The following FAT3 variants were observed in gnomAD, a reference collection of about 807,000 sequenced individuals.
The protein encoded by FAT3 is FAT atypical cadherin 3, also known as protocadherin Fat 3.
A neutral mutation model predicts 310.2 loss-of-function variants in FAT3; 95 were observed. That is an observed-to-expected ratio of 0.31 (90% confidence interval 0.26 to 0.36). The LOEUF (loss-of-function observed/expected upper bound fraction) is 0.36. Among genes scored for constraint, FAT3 ranks in the 10% least tolerant of loss-of-function variants. The pLI, the probability that FAT3 is intolerant of heterozygous loss-of-function variation, is 1.00. For synonymous variants in FAT3, 2,314 were observed against 2,192.9 expected (o/e 1.06, Z -1.54); for missense variants, 5,408 against 5,715.6 (o/e 0.95, Z 1.74).
At chr11:92,271,520 T>C (rs1006088285) in intron 1 of FAT3, among the ~76,000 whole-genome samples, 1 of 152,156 alleles carries the variant, frequency 6.6e-6, no homozygotes, top group Non-Finnish European at 1.5e-5. Context: ...AATGGACTGT[T>C]TATATGTTGT....
chr11:92,529,940 C>T (rs1314999967), intron 3 of FAT3, among the ~76,000 whole-genome samples: 1 of 152,136 alleles, frequency 6.6e-6, no homozygotes, highest in African/African-American at 2.4e-5. Context: ...AGACTGGCTA[C>T]CCCCACTTTA....
intron 3 of FAT3, among the ~76,000 whole-genome samples, chr11:92,682,285 C>A (rs796658352): frequency 1.4e-4 from 22 of 152,268 alleles, no homozygotes; most frequent in African/African-American, 5.1e-4. Flanking sequence ...ATACTGCCTG[C>A]CACATAGGGA....
At chr11:92,705,546 ATGGTGGTGGTGTGATGG>A (rs1565527024) in intron 4 of FAT3, among the ~76,000 whole-genome samples, 1 of 39,146 alleles carries the variant, frequency 2.6e-5, no homozygotes, top group African/African-American at 1.0e-4. Context: ...TGATGGTGTG[ATGGTGGTGGTGTGATGG>A]TGGTGGTGGT....
chr11:92,412,979 C>T (rs925934459), intron 2 of FAT3, among the ~76,000 whole-genome samples: 4 of 151,630 alleles, frequency 2.6e-5, no homozygotes, highest in Non-Finnish European at 5.9e-5. Context: ...CATTAGGGCT[C>T]ACCCTTGGTA....
rs747070509 is a variant in FAT3 at position 92,798,478 on chromosome 11, A to T, written c.5465A>T (p.Lys1822Met). 1.3e-5 allele frequency: 21 copies of T among 1,613,608 alleles called. No homozygotes were observed. The highest frequency in any genetic ancestry group is 1.6e-4 in the Middle Eastern group (1 of 6,084). ...CAGATTGTGGAGTCAACAGCAAAAA[A>T]GTTTTTCACGGTGGACTCCAGTACA... ...VYQIVESTAK[K>M]FFTVDSSTGA... The change falls in exon 10 of 28, where the codon AAG (lysine) becomes ATG (methionine). Residue 1822 changes from lysine (K) to methionine (M), a missense_variant. This residue lies in a region of FAT3 where 4,588 missense variants were observed against 4,809.8 expected (regional missense o/e 0.95). Coordinates refer to ENST00000525166, the MANE Select transcript of FAT3 (RefSeq NM_001367949.2).
intron 3 of FAT3, among the ~76,000 whole-genome samples, chr11:92,553,210 A>C (rs1453043630): frequency 6.6e-6 from 1 of 152,196 alleles, no homozygotes; most frequent in African/African-American, 2.4e-5. Flanking sequence ...TTGCAACTAT[A>C]AACATCAATT....
chr11:92,485,493 A>G (rs1952352551), intron 2 of FAT3, among the ~76,000 whole-genome samples: 1 of 149,418 alleles, frequency 6.7e-6, no homozygotes, highest in South Asian at 2.2e-4. Flanking sequence ...TGGACTGCAT[A>G]TTGATAGAAT....
intron 3 of FAT3, among the ~76,000 whole-genome samples, chr11:92,650,082 G>T (rs970698868): frequency 2.7e-5 from 4 of 150,232 alleles, no homozygotes; most frequent in African/African-American, 9.9e-5. Context: ...GAGAACTGAT[G>T]AATAGGTCTA....
intron 13 of FAT3, among the ~76,000 whole-genome samples, chr11:92,821,669 C>T (rs968699767): frequency 2.0e-5 from 3 of 152,186 alleles, no homozygotes; most frequent in East Asian, 1.9e-4. Flanking sequence ...TCCAAAAACA[C>T]GCATGTGATG....
At chr11:92,229,514 G>GTTTTTTTTTTTTTTTTTTTTTTTTTT (rs1241053262) in intron 1 of FAT3, among the ~76,000 whole-genome samples, 1 of 59,308 alleles carries the variant, frequency 1.7e-5, no homozygotes, top group Non-Finnish European at 3.0e-5. Flanking sequence ...TTTGTTTTTT[G>GTTTTTTTTTTTTTTTTTTTTTTTTTT]TTTTTTTTTA....
chr11:92,843,120 C>A (rs959333354), intron 18 of FAT3, among the ~76,000 whole-genome samples: 1 of 151,844 alleles, frequency 6.6e-6, no homozygotes, highest in African/African-American at 2.4e-5. Flanking sequence ...GTGACAGAGA[C>A]AAGATTCAAA....
At chr11:92,723,040 T>A (rs1944908382) in intron 4 of FAT3, among the ~76,000 whole-genome samples, 1 of 152,236 alleles carries the variant, frequency 6.6e-6, no homozygotes, top group South Asian at 2.1e-4. Context: ...CAGCTCCTTG[T>A]TGCTTGTGCA....
chr11:92,882,688 CGT>C, intron 23 of FAT3, 48 bp from the exon 24 acceptor site: 1 of 1,471,328 alleles, frequency 6.8e-7, no homozygotes, highest in Non-Finnish European at 9.1e-7. Context: ...CGTATACCAA[CGT>C]GTGTGCACTG....
At chr11:92,535,566 C>T (rs1236650545) in intron 3 of FAT3, among the ~76,000 whole-genome samples, 1 of 152,180 alleles carries the variant, frequency 6.6e-6, no homozygotes, top group Non-Finnish European at 1.5e-5. Flanking sequence ...TAGTGCAGTA[C>T]TCTTTTCACT....
At chr11:92,786,592 T>C (rs905031821) in intron 7 of FAT3, among the ~76,000 whole-genome samples, 1 of 152,086 alleles carries the variant, frequency 6.6e-6, no homozygotes, top group Admixed American at 6.6e-5. Flanking sequence ...AATCTAGAAG[T>C]CTTACTACAT....
chr11:92,798,728 T>G lies in FAT3; in HGVS notation c.5715T>G (p.Val1905=). Residue 1905 remains valine, a synonymous_variant, in exon 10 of 28, where the codon GTT becomes GTG. Coordinates refer to ENST00000525166, the MANE Select transcript of FAT3 (RefSeq NM_001367949.2). ...ATGTTGGAGTGGAGGTTCTGAAAGT[T>G]AGTGCCACAGATCCTGACTCTGAGG... is the stretch of plus-strand genomic sequence containing the variant. The part of the protein sequence containing the change: ...PTYVGVEVLK[V]SATDPDSEVP... 6.2e-7 allele frequency: 1 copy of G among 1,613,844 alleles called. No individual in the cohort carries two copies.
At chr11:92,359,368 A>G (rs118071308) in intron 2 of FAT3, among the ~76,000 whole-genome samples, 2,867 of 152,268 alleles carry the variant, frequency 0.019, 40 homozygotes, top group Admixed American at 0.049. Context: ...ATGCCTTCCG[A>G]ATGGATAAAA....
intron 2 of FAT3, among the ~76,000 whole-genome samples, chr11:92,484,874 A>G (rs1270893875): frequency 6.6e-6 from 1 of 152,112 alleles, no homozygotes; most frequent in Non-Finnish European, 1.5e-5. Flanking sequence ...AACTGAATTT[A>G]TTTTTTCATA....
intron 3 of FAT3, among the ~76,000 whole-genome samples, chr11:92,611,329 T>C (rs761000660): frequency 6.6e-6 from 1 of 152,160 alleles, no homozygotes; most frequent in Non-Finnish European, 1.5e-5. Context: ...TCACCCAAGC[T>C]GATCTCAAAC....
Sources: allele counts gnomAD v4.1 joint callset (sites outside exome capture counted in the v4.1 genomes callset), GRCh38; gene constraint gnomAD v4.1.1; regional missense constraint gnomAD v4.1.1; transcripts MANE v1.5; gene names NCBI Gene and HGNC (gene_info 2026-07-23, HGNC 2026-07-21).